Variants in PRKG1 observed in about 807,000 individuals in gnomAD.
PRKG1 encodes the protein cGMP-dependent protein kinase 1.
A neutral mutation model predicts 88.1 loss-of-function variants in PRKG1; 35 were observed. The ratio of observed to expected loss-of-function variants is 0.40; its 90% CI spans 0.30 to 0.53. The LOEUF (loss-of-function observed/expected upper bound fraction) is 0.53. Among genes scored for constraint, PRKG1 ranks in the 20% least tolerant of loss-of-function variants. The pLI is 0.59. For synonymous variants in PRKG1, 303 were observed against 292.5 expected, an observed-to-expected ratio of 1.04 and a Z score of -0.37; for missense variants, 540 against 839.8, an observed-to-expected ratio of 0.64 and a Z score of 4.41.
chr10:52,159,538 C>T (rs1201113252), intron 8 of PRKG1, among the ~76,000 whole-genome samples: 1 of 151,520 alleles, frequency 6.6e-6, no homozygotes, highest in Non-Finnish European at 1.5e-5. Context: ...TCTAGCATAA[C>T]CATATCTATG....
chr10:52,271,379 G>A lies in PRKG1; in HGVS notation c.1203G>A (p.Thr401=), dbSNP rs965830044. Residue 401 remains threonine, a synonymous_variant, in exon 11 of 18, where the codon ACG becomes ACA. Transcript: ENST00000373980. The part of the protein sequence containing the change: ...LVQLKSEESK[T]FAMKILKKRH... ...AGTTGAAAAGTGAAGAATCCAAAAC[G>A]TTTGCAATGAAGATTCTCAAGAAAC... 5.0e-6 allele frequency: 8 copies of A among 1,612,644 alleles called. No individual in the cohort carries two copies. The highest frequency in any genetic ancestry group is 2.2e-5 in the East Asian group (1 of 44,806).
intron 1 of PRKG1, among the ~76,000 whole-genome samples, chr10:51,080,952 G>C (rs1052835715): frequency 6.6e-6 from 1 of 152,132 alleles, no homozygotes; most frequent in Non-Finnish European, 1.5e-5. Flanking sequence ...CTCCAAAACT[G>C]TCCTGTAAAT....
chr10:51,375,863 G>C (rs1842807796), intron 2 of PRKG1, among the ~76,000 whole-genome samples: 2 of 152,186 alleles, frequency 1.3e-5, no homozygotes, highest in Admixed American at 6.5e-5. Context: ...CAAGAGTGAA[G>C]TAATTAAAAT....
chr10:51,421,720 A>G (rs1056296367), intron 2 of PRKG1, among the ~76,000 whole-genome samples: 4 of 152,136 alleles, frequency 2.6e-5, no homozygotes, highest in African/African-American at 9.7e-5. Flanking sequence ...TTTGTAATGT[A>G]TTCTTCCTTT....
chr10:51,074,101 C>T (rs12768553), upstream of PRKG1, among the ~76,000 whole-genome samples: 1 of 149,386 alleles, frequency 6.7e-6, no homozygotes, highest in Non-Finnish European at 1.5e-5. Context: ...TCCCCACCCC[C>T]GAAGTAGCGC....
chr10:51,462,684 A>C (rs1028018780), intron 2 of PRKG1, among the ~76,000 whole-genome samples: 1 of 152,172 alleles, frequency 6.6e-6, no homozygotes, highest in Non-Finnish European at 1.5e-5. Context: ...TTACCATGAT[A>C]CATCTTTCAA....
At chr10:51,981,910 C>G (rs1844020285) in intron 5 of PRKG1, among the ~76,000 whole-genome samples, 1 of 152,084 alleles carries the variant, frequency 6.6e-6, no homozygotes, top group Admixed American at 6.5e-5. Context: ...AACATGTTTT[C>G]CAAGTTGCTT....
At chr10:51,656,514 G>C (rs955850703) in intron 3 of PRKG1, among the ~76,000 whole-genome samples, 2 of 152,072 alleles carry the variant, frequency 1.3e-5, no homozygotes, top group South Asian at 4.1e-4. Flanking sequence ...ACATTAGAAG[G>C]CCTCAGGAAG....
chr10:51,276,431 G>T (rs1394453262), intron 2 of PRKG1, among the ~76,000 whole-genome samples: 5 of 152,150 alleles, frequency 3.3e-5, no homozygotes, highest in Non-Finnish European at 2.9e-5. Flanking sequence ...ACATACATGT[G>T]CATGTGTCTT....
At chr10:52,041,180 C>A (rs1281157654) in intron 5 of PRKG1, among the ~76,000 whole-genome samples, 1 of 152,086 alleles carries the variant, frequency 6.6e-6, no homozygotes, top group Non-Finnish European at 1.5e-5. Context: ...GAGTTTTTAT[C>A]ATCAAATTGA....
intron 2 of PRKG1, 56 bp from the exon 3 acceptor site, chr10:51,467,667 A>G: frequency 7.1e-7 from 1 of 1,416,166 alleles, no homozygotes; most frequent in Admixed American, 1.7e-5. Flanking sequence ...TAAAAATGCA[A>G]CAAATGAAGC....
At chr10:51,282,628 A>G (rs1323681991) in intron 2 of PRKG1, among the ~76,000 whole-genome samples, 5 of 152,224 alleles carry the variant, frequency 3.3e-5, no homozygotes, top group African/African-American at 9.6e-5. Context: ...AGTTTTAAAC[A>G]GCAAAATTTA....
At chr10:51,345,777 G>A (rs766247635) in intron 2 of PRKG1, among the ~76,000 whole-genome samples, 7 of 152,292 alleles carry the variant, frequency 4.6e-5, no homozygotes, top group African/African-American at 1.2e-4. Flanking sequence ...ACTCTCTTAA[G>A]ATGTTAACAA....
In PRKG1 at chr10:51,109,148, T is replaced by G. The variant is rs1844918475; in HGVS notation, c.311+34247T>G. The stretch of plus-strand genomic sequence containing the variant: ...GTGCCATTCATAGTATTGTTGTCAA[T>G]TCTTCAGAAAATTGATCTATAGTTT... On this transcript the variant is annotated intron_variant, in intron 1 of 17. Transcript: ENST00000373980. Among the ~76,000 whole-genome samples the G allele has an allele frequency of 2.6e-5, 4 of 152,268 alleles. No homozygotes were observed. In the South Asian group the frequency reaches 8.3e-4, roughly 32 times the overall value.
At chr10:50,997,029 TA>T (rs1842843066) in intron 1 of PRKG1, among the ~76,000 whole-genome samples, 1 of 152,180 alleles carries the variant, frequency 6.6e-6, no homozygotes, top group South Asian at 2.1e-4. Flanking sequence ...GGCTTGAGCA[TA>T]AGCACTTCAT....
intron 2 of PRKG1, among the ~76,000 whole-genome samples, chr10:51,158,591 AT>A (rs1846276296): frequency 1.3e-5 from 2 of 152,006 alleles, no homozygotes; most frequent in African/African-American, 4.8e-5. Flanking sequence ...TCCTTTGAAT[AT>A]TAAACTTCAT....
rs1838116020 is a variant in PRKG1 at position 51,412,286 on chromosome 10, G to GA, written c.479-55431dup. Reference sequence around the variant, plus strand: ...AACAGGGCCTCAGGAAAAAAGGAAGGAAAAAACACAAAACTCAAAACTAGC... The same window carrying GA: ...AACAGGGCCTCAGGAAAAAAGGAAGGAAAAAAACACAAAACTCAAAACTAGC... On this transcript the variant is annotated intron_variant, in intron 2 of 17. Transcript: ENST00000373980. Among the ~76,000 whole-genome samples the GA allele has an allele frequency of 4.7e-5, 7 of 150,122 alleles. No homozygotes were observed. The South Asian group carries it at 1.5e-3, about 32-fold the overall frequency.
intron 2 of PRKG1, among the ~76,000 whole-genome samples, chr10:51,301,670 T>A (rs1248223919): frequency 6.6e-6 from 1 of 152,200 alleles, no homozygotes; most frequent in African/African-American, 2.4e-5. Flanking sequence ...TGGCAGTCAA[T>A]GGAAGCCAAG....
At chr10:51,712,443 G>A (rs1394625558) in intron 3 of PRKG1, among the ~76,000 whole-genome samples, 2 of 152,024 alleles carry the variant, frequency 1.3e-5, no homozygotes, top group Admixed American at 6.6e-5. Flanking sequence ...AAACTCTATT[G>A]ACGTTTATCT....
Sources: gnomAD v4.1 joint callset for allele counts (sites outside exome capture counted in the v4.1 genomes callset) on GRCh38, gnomAD v4.1.1 for gene constraint, MANE v1.5 for transcripts, NCBI Gene and HGNC (gene_info 2026-07-23, HGNC 2026-07-21) for gene names.